The following NAALADL2 variants were observed in gnomAD, a reference collection of about 807,000 sequenced individuals.
NAALADL2 encodes N-acetylated alpha-linked acidic dipeptidase like 2.
NAALADL2 carries 76 observed loss-of-function variants against 87.2 expected under a neutral mutation model. The ratio of observed to expected loss-of-function variants is 0.87; its 90% CI spans 0.72 to 1.05. The LOEUF (loss-of-function observed/expected upper bound fraction) is 1.05. NAALADL2 is among the 50% of genes least tolerant of loss of function. The probability of loss-of-function intolerance (pLI) is 0.00; values close to 1 mark genes in which losing one functional copy is unlikely to be tolerated. For missense variants in NAALADL2, 1,089 were observed against 945.8 expected, an observed-to-expected ratio of 1.15 and a Z score of -1.99; for synonymous variants, 354 against 331.0, an observed-to-expected ratio of 1.07 and a Z score of -0.75.
chr3:174,879,861 T>G (rs911656237), intron 1 of NAALADL2, among the ~76,000 whole-genome samples: 1 of 152,090 alleles, frequency 6.6e-6, no homozygotes, highest in African/African-American at 2.4e-5. Flanking sequence ...TACCTTCATG[T>G]TCTCAAATTC....
intron 1 of NAALADL2, among the ~76,000 whole-genome samples, chr3:174,931,989 T>G (rs1400863528): frequency 1.3e-5 from 2 of 152,216 alleles, no homozygotes; most frequent in Non-Finnish European, 2.9e-5. Flanking sequence ...TTTTTATGTG[T>G]TTTTAATAGT....
chr3:174,878,728 G>A (rs1456658468), intron 1 of NAALADL2, among the ~76,000 whole-genome samples: 3 of 151,788 alleles, frequency 2.0e-5, no homozygotes, highest in Admixed American at 2.0e-4. Flanking sequence ...GTTTCCTATA[G>A]ACCCCACCCC....
chr3:175,344,986 T>C (rs1762974325), intron 5 of NAALADL2, among the ~76,000 whole-genome samples: 1 of 152,116 alleles, frequency 6.6e-6, no homozygotes, highest in Non-Finnish European at 1.5e-5. Context: ...GTTAACATAT[T>C]AGTACCCCAA....
At chr3:175,186,239 C>T (rs1286399252) in intron 2 of NAALADL2, among the ~76,000 whole-genome samples, 1 of 152,036 alleles carries the variant, frequency 6.6e-6, no homozygotes, top group Non-Finnish European at 1.5e-5. Context: ...AATAATCTTA[C>T]ATATTACCCC....
intron 1 of NAALADL2, among the ~76,000 whole-genome samples, chr3:174,503,080 C>G (rs1221896509): frequency 1.3e-5 from 2 of 150,998 alleles, no homozygotes. Context: ...AAAACTTTGA[C>G]AACGTAAAAG....
At chr3:175,434,303 A>T (rs1381691469) in intron 5 of NAALADL2, among the ~76,000 whole-genome samples, 1 of 152,000 alleles carries the variant, frequency 6.6e-6, no homozygotes, top group Non-Finnish European at 1.5e-5. Flanking sequence ...AGATGTGGAA[A>T]ACTATCCCAG....
At chr3:174,734,198 G>T (rs898050438) in intron 2 of NAALADL2, among the ~76,000 whole-genome samples, 26 of 152,074 alleles carry the variant, frequency 1.7e-4, no homozygotes, top group Non-Finnish European at 3.4e-4. Context: ...TGAGAATTAG[G>T]TAGTGATTTC....
At chr3:175,799,201 A>T (rs1172209914) in intron 13 of NAALADL2, among the ~76,000 whole-genome samples, 1 of 150,992 alleles carries the variant, frequency 6.6e-6, no homozygotes, top group East Asian at 1.9e-4. Flanking sequence ...TCATAATTAA[A>T]CATGAAACTC....
At chr3:175,460,222 T>C (rs1179664009) in intron 6 of NAALADL2, 3 of 454,926 alleles carry the variant, frequency 6.6e-6, no homozygotes, top group Non-Finnish European at 1.3e-5. Context: ...ATATTTATTA[T>C]TAAAATTTAA....
intron 2 of NAALADL2, among the ~76,000 whole-genome samples, chr3:174,692,307 A>C (rs1728650115): frequency 6.6e-6 from 1 of 152,176 alleles, no homozygotes; most frequent in Admixed American, 6.6e-5. Context: ...GATTGTTTTA[A>C]CTATTTGGGT....
intron 2 of NAALADL2, among the ~76,000 whole-genome samples, chr3:174,563,651 A>T (rs1028167304): frequency 3.3e-5 from 5 of 151,622 alleles, no homozygotes; most frequent in African/African-American, 9.7e-5. Context: ...TTCCATTATG[A>T]TTAATTTATT....
At chr3:175,427,912 C>T (rs542786446) in intron 5 of NAALADL2, among the ~76,000 whole-genome samples, 10 of 152,072 alleles carry the variant, frequency 6.6e-5, no homozygotes, top group Admixed American at 1.3e-4. Context: ...GTTGTAGAAA[C>T]GTTGACATAT....
At chr3:174,730,489 AAAAG>A (rs1242343415) in intron 2 of NAALADL2, among the ~76,000 whole-genome samples, 1 of 152,150 alleles carries the variant, frequency 6.6e-6, no homozygotes, top group Non-Finnish European at 1.5e-5. Context: ...ATGTCAAAAT[AAAAG>A]AACTTTTAAA....
At chr3:174,557,510 A>G (rs1045636140) in intron 2 of NAALADL2, among the ~76,000 whole-genome samples, 1 of 151,974 alleles carries the variant, frequency 6.6e-6, no homozygotes, top group African/African-American at 2.4e-5. Context: ...TTTTTTTGCA[A>G]TGGAAAATTT....
chr3:175,744,230 T>A (rs919258296), intron 12 of NAALADL2, among the ~76,000 whole-genome samples: 1 of 152,212 alleles, frequency 6.6e-6, no homozygotes, highest in Non-Finnish European at 1.5e-5. Flanking sequence ...CTGCAATGAT[T>A]CAATGGAGAT....
Position 174,707,759 on chromosome 3 carries a change from C to T in NAALADL2, c.-114-29882C>T, listed in dbSNP as rs528981810. Among the ~76,000 whole-genome samples the T allele has an allele frequency of 7.3e-5, 11 of 151,366 alleles. No homozygotes were observed. In the South Asian group the frequency reaches 8.3e-4, roughly 11 times the overall value. On this transcript the variant is annotated intron_variant, in intron 2 of 3. Transcript: ENST00000434257. ...TGTATACATATGTAAAAATCCTGCACGTTGTGCACATGTACCCTAGAACTT... is the reference window on the plus strand; with the variant it reads ...TGTATACATATGTAAAAATCCTGCATGTTGTGCACATGTACCCTAGAACTT...
At position 175,109,896 on chromosome 3, in the gene NAALADL2, G is replaced by A. The variant is rs114983905; in HGVS notation, c.545+12605G>A. 5.6e-3 allele frequency among the ~76,000 whole-genome samples: 844 copies of A among 151,950 alleles called. 4 individuals carry two copies. Among genetic ancestry groups the A allele is most frequent in the Non-Finnish European group, 7.9e-3 (533 of 67,884 alleles). On this transcript the variant is annotated intron_variant, in intron 2 of 13. Coordinates refer to ENST00000454872, the MANE Select transcript of NAALADL2 (RefSeq NM_207015.3). ...GCAGGGGAGGAGCATATGGTGCTAC[G>A]TTCTCCCCTGTTGCTGAATTTCTAT...
chr3:175,013,294 TATA>T lies in NAALADL2; in HGVS notation c.44-83495_44-83493del, dbSNP rs1398987934. Among the ~76,000 whole-genome samples the T allele has an allele frequency of 6.5e-4, 55 of 84,100 alleles. 3 individuals carry two copies. Among genetic ancestry groups the T allele is most frequent in the African/African-American group, 3.2e-3 (45 of 14,100 alleles). 55.2% of individuals were successfully genotyped at this position (84,100 alleles called of 152,430 possible). On this transcript the variant is annotated intron_variant, in intron 1 of 13. Coordinates refer to ENST00000454872, the MANE Select transcript of NAALADL2 (RefSeq NM_207015.3). ...ATATATATACATATATATATATATA[TATA>T]TATATTTTTTTTTTTTTTTGAGACA... is the stretch of plus-strand genomic sequence containing the variant.
At chr3:175,540,133 C>A (rs905548274) in intron 9 of NAALADL2, among the ~76,000 whole-genome samples, 1 of 152,100 alleles carries the variant, frequency 6.6e-6, no homozygotes, top group African/African-American at 2.4e-5. Flanking sequence ...TCAGATGAAA[C>A]AAACAGATGA....
Sources: allele counts gnomAD v4.1 joint callset (sites outside exome capture counted in the v4.1 genomes callset), GRCh38; gene constraint gnomAD v4.1.1; transcripts MANE v1.5; gene names NCBI Gene and HGNC (gene_info 2026-07-23, HGNC 2026-07-21).